The following PDE10A variants were observed in gnomAD, a reference collection of about 807,000 sequenced individuals.
PDE10A encodes the protein phosphodiesterase 10A.
Under a neutral mutation model 97.7 loss-of-function variants are expected in PDE10A, and 39 were observed. The ratio of observed to expected loss-of-function variants is 0.40; its 90% CI spans 0.31 to 0.52. The LOEUF is 0.52. Among genes scored for constraint, PDE10A ranks in the 20% least tolerant of loss-of-function variants. The pLI, the probability that PDE10A is intolerant of heterozygous loss-of-function variation, is 0.56. For synonymous variants in PDE10A, 371 were observed against 376.8 expected (o/e 0.98, Z 0.18); for missense variants, 731 against 1,047.8 (o/e 0.70, Z 4.17).
chr6:165,651,744 T>C (rs554831547), intron 1 of PDE10A, among the ~76,000 whole-genome samples: 1 of 152,356 alleles, frequency 6.6e-6, no homozygotes, highest in Non-Finnish European at 1.5e-5. Flanking sequence ...CTTTTTATGA[T>C]TTCCTTTTTG....
chr6:165,813,719 G>T (rs1344797542), intron 1 of PDE10A, among the ~76,000 whole-genome samples: 1 of 151,700 alleles, frequency 6.6e-6, no homozygotes, highest in East Asian at 1.9e-4. Context: ...CAACAAAGTT[G>T]ATTCAAAAGT....
intron 1 of PDE10A, among the ~76,000 whole-genome samples, chr6:165,553,916 ACCAATCT>A (rs1195097966): frequency 6.6e-6 from 1 of 152,180 alleles, no homozygotes; most frequent in African/African-American, 2.4e-5. Flanking sequence ...GACTCAGAAA[ACCAATCT>A]CCAAAGTGAA....
chr6:165,941,629 C>A (rs1204327438), intron 1 of PDE10A, among the ~76,000 whole-genome samples: 2 of 152,168 alleles, frequency 1.3e-5, no homozygotes, highest in Non-Finnish European at 2.9e-5. Flanking sequence ...TAGCAACTCC[C>A]TCCCCCACTC....
At chr6:165,696,776 C>T (rs553095070) in intron 1 of PDE10A, among the ~76,000 whole-genome samples, 3 of 152,060 alleles carry the variant, frequency 2.0e-5, no homozygotes, top group African/African-American at 2.4e-5. Context: ...CACAACTAAA[C>T]GAAACCATGA....
At chr6:165,560,434 C>T (rs558787230) in intron 1 of PDE10A, among the ~76,000 whole-genome samples, 9 of 152,266 alleles carry the variant, frequency 5.9e-5, no homozygotes, top group East Asian at 1.9e-4. Context: ...AACTAAGTAA[C>T]GCCAACACCT....
At chr6:165,746,112 A>G (rs2128454559) in intron 1 of PDE10A, among the ~76,000 whole-genome samples, 1 of 152,358 alleles carries the variant, frequency 6.6e-6, no homozygotes, top group South Asian at 2.1e-4. Flanking sequence ...CCCAGGAGCT[A>G]GAGAAAGGAA....
intron 1 of PDE10A, among the ~76,000 whole-genome samples, chr6:165,867,091 A>G (rs373890521): frequency 1.3e-5 from 2 of 152,062 alleles, no homozygotes; most frequent in African/African-American, 4.8e-5. Context: ...AAGGTAAATA[A>G]TAAAAGAGGA....
chr6:165,686,202 C>G (rs567874601), intron 1 of PDE10A, among the ~76,000 whole-genome samples: 2 of 151,676 alleles, frequency 1.3e-5, no homozygotes, highest in African/African-American at 4.9e-5. Flanking sequence ...CAATGAGGTG[C>G]ATCCATGACA....
At chr6:165,906,049 C>T (rs1782270211) in intron 1 of PDE10A, among the ~76,000 whole-genome samples, 1 of 27,464 alleles carries the variant, frequency 3.6e-5, no homozygotes, top group Non-Finnish European at 8.4e-5. Flanking sequence ...TCCTTCCTTC[C>T]CTCCCTCCCT....
intron 2 of PDE10A, among the ~76,000 whole-genome samples, chr6:165,503,074 C>G (rs1037511221): frequency 6.6e-6 from 1 of 152,142 alleles, no homozygotes; most frequent in Admixed American, 6.6e-5. Context: ...CTCGATGTGA[C>G]GCAAGCCCCA....
At chr6:165,860,387 G>T (rs1265221806) in intron 1 of PDE10A, among the ~76,000 whole-genome samples, 1 of 152,210 alleles carries the variant, frequency 6.6e-6, no homozygotes, top group Non-Finnish European at 1.5e-5. Context: ...GGGAGGCAGA[G>T]GTTGCGGTGA....
intron 3 of PDE10A, among the ~76,000 whole-genome samples, chr6:165,474,841 A>G (rs930073086): frequency 6.6e-6 from 1 of 152,220 alleles, no homozygotes; most frequent in Non-Finnish European, 1.5e-5. Context: ...AGACTCCATA[A>G]GGAAAAATTT....
chr6:165,532,185 G>A (rs561978441), intron 2 of PDE10A, among the ~76,000 whole-genome samples: 2 of 152,044 alleles, frequency 1.3e-5, no homozygotes, highest in African/African-American at 2.4e-5. Context: ...CGGGGCTCTG[G>A]GAGAAAGTCA....
At position 165,604,508 on chromosome 6, in the gene PDE10A, C is replaced by T. The variant is rs75959145; in HGVS notation, c.865+57439G>A. Reference sequence around the variant, plus strand: ...AGCTACATGCACAAGACTGCACTTACTCTCTTTGTTAAAAAAAAAAAAAAA... The same window carrying T: ...AGCTACATGCACAAGACTGCACTTATTCTCTTTGTTAAAAAAAAAAAAAAA... On this transcript the variant is annotated intron_variant, in intron 1 of 21. Transcript: ENST00000539869. Among the ~76,000 whole-genome samples, 880 of 113,488 alleles carry T rather than the reference C, an allele frequency of 7.8e-3. 11 individuals are homozygous for T. The highest frequency in any genetic ancestry group is 0.029 in the African/African-American group (793 of 26,974). The allele number at this position is 113,488 out of a possible 152,430, so 74.5% of individuals were successfully genotyped here.
rs1782094322 is a variant in PDE10A, at chr6:165,343,328, C to A, written c.2895+63G>T. On this transcript the variant is annotated intron_variant, in intron 19 of 21. Coordinates refer to ENST00000539869, the MANE Select transcript of PDE10A (RefSeq NM_001385079.1). Reference sequence around the variant, plus strand: ...ACATGAACAACTAAAGTATTCTTAGCAATTGATCCATACGTTTTATTTCTC... The same window carrying A: ...ACATGAACAACTAAAGTATTCTTAGAAATTGATCCATACGTTTTATTTCTC... The A allele has an allele frequency of 4.6e-6, 5 of 1,096,518 alleles. No homozygotes were observed. The African/African-American group carries it at 4.6e-5, about 10-fold the overall frequency. The allele number at this position is 1,096,518 out of a possible 1,614,324, so 67.9% of individuals were successfully genotyped here.
chr6:165,790,376 A>C (rs1778614375), intron 1 of PDE10A, among the ~76,000 whole-genome samples: 2 of 152,236 alleles, frequency 1.3e-5, no homozygotes, highest in African/African-American at 4.8e-5. Context: ...TATGCCCTGA[A>C]AACAGCGGTG....
chr6:165,819,245 G>A lies in PDE10A; in HGVS notation c.-615+168284C>T, dbSNP rs6938230. Among the ~76,000 whole-genome samples the A allele has an allele frequency of 0.92, 139,872 of 152,184 alleles. 64,402 individuals are homozygous for A. The highest frequency in any genetic ancestry group is 1 in the East Asian group (5,149 of 5,166). ...GAGCCCAGTCAGCACACGTTGGGAT[G>A]ATTTTTGACTCCTGCCCTCTCCGTC... is the stretch of plus-strand genomic sequence containing the variant. On this transcript the variant is annotated intron_variant, in intron 1 of 19. Coordinates refer to the PDE10A transcript ENST00000366882. The surrounding 1 kb of genome is among the most constrained non-coding windows in gnomAD (Gnocchi z 4.2).
At chr6:165,643,788 C>G (rs534040606) in intron 1 of PDE10A, among the ~76,000 whole-genome samples, 1 of 152,158 alleles carries the variant, frequency 6.6e-6, no homozygotes, top group African/African-American at 2.4e-5. Flanking sequence ...AGCATGGTTA[C>G]CATGGTTAAT....
At chr6:165,559,394 T>G (rs561355579) in intron 1 of PDE10A, among the ~76,000 whole-genome samples, 78 of 152,350 alleles carry the variant, frequency 5.1e-4, no homozygotes, top group African/African-American at 1.8e-3. Context: ...CTGAATCATA[T>G]CCTATGTGGC....
Sources: allele counts gnomAD v4.1 joint callset (sites outside exome capture counted in the v4.1 genomes callset), GRCh38; gene constraint gnomAD v4.1.1; non-coding constraint Gnocchi (gnomAD v3.1); transcripts MANE v1.5; gene names NCBI Gene and HGNC (gene_info 2026-07-23, HGNC 2026-07-21).